TEX14: variants seen among roughly 807,000 people sequenced by gnomAD.
TEX14 encodes testis expressed 14, intercellular bridge forming factor, also known as inactive serine/threonine-protein kinase TEX14.
In TEX14, 168 loss-of-function variants were observed where a neutral mutation model predicts 178.6. The observed-to-expected ratio is 0.94, with a 90% CI of 0.83 to 1.07. TEX14 has a LOEUF of 1.07. Among genes scored for constraint, TEX14 ranks in the 50% least tolerant of loss-of-function variants. The pLI is 0.00. For synonymous variants in TEX14, 626 were observed against 634.1 expected (o/e 0.99, Z 0.19); for missense variants, 1,730 against 1,753.6 (o/e 0.99, Z 0.24).
Position 58,577,458 on chromosome 17 carries a change from T to C in TEX14, c.3239-2A>G. On this transcript the variant is annotated splice_acceptor_variant, in intron 20 of 31. Transcript: ENST00000349033. LOFTEE classifies it high-confidence loss of function. Reference sequence around the variant, plus strand: ...TTCTCATTTGGAACTTTTCCTCACCTGAAAGAATAAAGTTAAAAATATATA... The same window carrying C: ...TTCTCATTTGGAACTTTTCCTCACCCGAAAGAATAAAGTTAAAAATATATA... 1.5e-6 allele frequency: 2 copies of C among 1,343,392 alleles called. No homozygotes were observed. The highest frequency in any genetic ancestry group is 1.5e-5 in the African/African-American group (1 of 65,458). 83.2% of individuals were successfully genotyped at this position (1,343,392 alleles called of 1,614,324 possible). A position where few individuals can be genotyped will look rare whatever the true frequency, so the allele number is the denominator to read the frequency against.
intron 5 of TEX14, among the ~76,000 whole-genome samples, chr17:58,620,961 TGACAG>T (rs1307652213): frequency 6.6e-6 from 1 of 152,056 alleles, no homozygotes; most frequent in African/African-American, 2.4e-5. Context: ...AGTGCATGAA[TGACAG>T]GACAAGGAAG....
At chr17:58,661,754 G>A (rs1039580159) in intron 1 of TEX14, 3 of 556,876 alleles carry the variant, frequency 5.4e-6, no homozygotes, top group African/African-American at 1.9e-5. Context: ...GGAAGGCAAC[G>A]GAGTCGGTTG....
intron 1 of TEX14, among the ~76,000 whole-genome samples, chr17:58,656,541 G>A (rs2046965800): frequency 6.6e-6 from 1 of 152,000 alleles, no homozygotes; most frequent in African/African-American, 2.4e-5. Context: ...GGATCATGAG[G>A]TCGGGAGTTC....
intron 9 of TEX14, among the ~76,000 whole-genome samples, chr17:58,613,050 A>C (rs1260223548): frequency 2.6e-5 from 4 of 151,962 alleles, no homozygotes; most frequent in Non-Finnish European, 5.9e-5. Context: ...AAAAATACAA[A>C]AATTAGCCAG....
At chr17:58,681,225 C>G (rs896659766) in intron 1 of TEX14, among the ~76,000 whole-genome samples, 2 of 152,094 alleles carry the variant, frequency 1.3e-5, no homozygotes, top group Non-Finnish European at 2.9e-5. Flanking sequence ...TGCCATTGCA[C>G]TCCAGCCTGA....
In TEX14 at chr17:58,580,461, G is replaced by A. The variant is rs553367811; in HGVS notation, c.3172-730C>T. Reference sequence around the variant, plus strand: ...CGAGTAGCTGGGAATACAGGCACCTGCCACTGCGCCCGGTTAATTTTTGTA... The same window carrying A: ...CGAGTAGCTGGGAATACAGGCACCTACCACTGCGCCCGGTTAATTTTTGTA... On this transcript the variant is annotated intron_variant, in intron 19 of 31. Transcript: ENST00000349033. Among the ~76,000 whole-genome samples the A allele has an allele frequency of 3.9e-5, 6 of 152,232 alleles. No homozygotes were observed. In the South Asian group the frequency reaches 1.2e-3, roughly 32 times the overall value.
At chr17:58,598,826 T>G (rs2045356238) in intron 14 of TEX14, 50 bp downstream of exon 14, 1 of 1,494,186 alleles carries the variant, frequency 6.7e-7, no homozygotes, top group African/African-American at 1.4e-5. Flanking sequence ...GCCACAACCA[T>G]TTCTTTTCCT....
rs555955991 is a variant in TEX14, at chr17:58,661,304, T to C, written c.-1-9302A>G. The C allele has an allele frequency of 2.6e-5, 21 of 823,356 alleles. No individual in the cohort carries two copies. In the African/African-American group the frequency reaches 3.2e-4, roughly 12 times the overall value. 51.0% of individuals were successfully genotyped at this position (823,356 alleles called of 1,614,324 possible). On this transcript the variant is annotated intron_variant, in intron 1 of 31. Coordinates refer to ENST00000349033, the MANE Select transcript of TEX14 (RefSeq NM_031272.5). ...AGCCTGCTGCAAATGATCTAGACGCTTACGGGGGTTGACTTGTTTCATGGT... is the reference window on the plus strand; with the variant it reads ...AGCCTGCTGCAAATGATCTAGACGCCTACGGGGGTTGACTTGTTTCATGGT...
At chr17:58,647,509 G>A (rs1467930548) in intron 2 of TEX14, among the ~76,000 whole-genome samples, 1 of 151,270 alleles carries the variant, frequency 6.6e-6, no homozygotes, top group Non-Finnish European at 1.5e-5. Context: ...TCCAGCCTGG[G>A]CGACTGAGCG....
intron 2 of TEX14, among the ~76,000 whole-genome samples, chr17:58,632,133 G>C (rs945562950): frequency 6.6e-6 from 1 of 152,232 alleles, no homozygotes; most frequent in Non-Finnish European, 1.5e-5. Flanking sequence ...AAGCGCGCCG[G>C]AGCGCCAGAA....
At position 58,599,075 on chromosome 17, in the gene TEX14, T is replaced by C. The variant is rs2045362973; in HGVS notation, c.2270A>G (p.Glu757Gly). The C allele has an allele frequency of 6.2e-7, 1 of 1,614,192 alleles. No individual in the cohort carries two copies. Among genetic ancestry groups the C allele is most frequent in the East Asian group, 2.2e-5 (1 of 44,880 alleles). Residue 757 changes from glutamate to glycine, a missense_variant, in exon 14 of 32, where the codon GAA becomes GGA. By Grantham distance (98) the Glu-to-Gly change is moderately conservative (BLOSUM62 -2). This residue lies in a region of TEX14 where 941 missense variants were observed against 1,072.4 expected (regional missense o/e 0.88). Coordinates refer to ENST00000349033, the MANE Select transcript of TEX14 (RefSeq NM_031272.5). ...CTGTTCCTTCTGTTTCATCTCGACTTCATCTAATATCTGCTCGATATTCCT... is the reference window on the plus strand; with the variant it reads ...CTGTTCCTTCTGTTTCATCTCGACTCCATCTAATATCTGCTCGATATTCCT... The part of the protein sequence containing the change: ...RLRNIEQILD[E>G]VEMKQKEQEE...
At chr17:58,690,645 T>TGGGCTC (rs1399680334) in intron 1 of TEX14, among the ~76,000 whole-genome samples, 1 of 152,204 alleles carries the variant, frequency 6.6e-6, no homozygotes, top group Non-Finnish European at 1.5e-5. Context: ...AGATAGTATT[T>TGGGCTC]ATGCATCCAC....
chr17:58,637,856 CT>C (rs58823773), intron 2 of TEX14, among the ~76,000 whole-genome samples: 444 of 135,614 alleles, frequency 3.3e-3, no homozygotes, highest in Middle Eastern at 8.0e-3. Context: ...AACCTACTGC[CT>C]TTTTTTTTTT....
rs2046679596 is a variant in TEX14, at chr17:58,645,333, C to G, written c.136+6533G>C. On this transcript the variant is annotated intron_variant, in intron 2 of 31. Transcript: ENST00000349033. ...AATTATAAAATTATATTGTAGGATTCATAACTCATAGATATATTATGGCTT... is the reference window on the plus strand; with the variant it reads ...AATTATAAAATTATATTGTAGGATTGATAACTCATAGATATATTATGGCTT... Among the ~76,000 whole-genome samples the G allele has an allele frequency of 2.0e-5, 3 of 151,228 alleles. No homozygotes were observed. In the Admixed American group the frequency reaches 2.0e-4, roughly 10 times the overall value.
chr17:58,593,617 T>G lies in TEX14; in HGVS notation c.2514A>C (p.Gln838His). 1 of 1,614,100 alleles carries G rather than the reference T, an allele frequency of 6.2e-7. No homozygotes were observed. The highest frequency in any genetic ancestry group is 8.5e-7 in the Non-Finnish European group (1 of 1,180,018). The change falls in exon 15 of 32, where the codon CAA (glutamine) becomes CAC (histidine). Residue 838 changes from glutamine to histidine, a missense_variant. Physicochemically the swap from Gln to His is conservative, Grantham distance 24. Coordinates refer to ENST00000349033, the MANE Select transcript of TEX14 (RefSeq NM_031272.5). The part of the protein sequence containing the change: ...CDPGKQNTDE[Q>H]FQCTQGAKDS... Reference sequence around the variant, plus strand: ...CCTTGGCTCCTTGAGTGCACTGAAATTGTTCATCTGTGTTCTGTTTTCCAG... The same window carrying G: ...CCTTGGCTCCTTGAGTGCACTGAAAGTGTTCATCTGTGTTCTGTTTTCCAG...
rs1399804056 is a variant in TEX14, at chr17:58,584,577, G to T, written c.3094C>A (p.Gln1032Lys). ...FTSIRHPSPR[Q>K]KEQPEHSEAF... ...TCACTATGCTCTGGTTGCTCCTTTT[G>T]TCTGGGAGATGGGTGCCTGATACCT... The change falls in exon 19 of 32, where the codon CAA (glutamine) becomes AAA (lysine). Residue 1032 changes from glutamine (Q) to lysine (K), a missense_variant. By Grantham distance (53) the Gln-to-Lys change is moderately conservative. This residue lies in a region of TEX14 where 941 missense variants were observed against 1,072.4 expected (regional missense o/e 0.88). Transcript: ENST00000349033. 6.8e-6 allele frequency: 11 copies of T among 1,613,914 alleles called. No homozygotes were observed. Among genetic ancestry groups the T allele is most frequent in the East Asian group, 2.2e-5 (1 of 44,898 alleles).
chr17:58,690,485 C>T (rs1271904842), intron 1 of TEX14, among the ~76,000 whole-genome samples: 1 of 152,126 alleles, frequency 6.6e-6, no homozygotes, highest in East Asian at 1.9e-4. Context: ...TTGAACTTTC[C>T]ACTGTCAACG....
intron 1 of TEX14, among the ~76,000 whole-genome samples, chr17:58,655,639 C>A (rs899191281): frequency 6.6e-6 from 1 of 152,076 alleles, no homozygotes; most frequent in African/African-American, 2.4e-5. Context: ...CCTTCTTTCC[C>A]AGTCTGGATC....
intron 30 of TEX14, among the ~76,000 whole-genome samples, 176 bp downstream of exon 30, chr17:58,559,277 T>G (rs2044221826): frequency 6.6e-6 from 1 of 152,212 alleles, no homozygotes; most frequent in African/African-American, 2.4e-5. Flanking sequence ...TTACTGTTTT[T>G]GTGATAAAGC....
Sources: allele counts gnomAD v4.1 joint callset (sites outside exome capture counted in the v4.1 genomes callset), GRCh38; gene constraint gnomAD v4.1.1; regional missense constraint gnomAD v4.1.1; transcripts MANE v1.5; gene names NCBI Gene and HGNC (gene_info 2026-07-23, HGNC 2026-07-21).